Variants in LMTK2 observed in about 807,000 individuals in gnomAD.
LMTK2 encodes the protein lemur tail kinase 2.
In LMTK2, 37 loss-of-function variants were observed where a neutral mutation model predicts 127.5. The observed-to-expected ratio is 0.29, with a 90% confidence interval of 0.22 to 0.38. LMTK2 has a LOEUF of 0.38. Among genes scored for constraint, LMTK2 ranks in the 10% least tolerant of loss-of-function variants. The pLI is 1.00. For missense variants in LMTK2, 1,694 were observed against 1,920.3 expected, an observed-to-expected ratio of 0.88 and a Z score of 2.20; for synonymous variants, 819 against 810.1, an observed-to-expected ratio of 1.01 and a Z score of -0.19.
Position 98,137,450 on chromosome 7 carries a change from CAG to C in LMTK2, c.231+11_231+12del. 1 of 1,609,978 alleles carries C rather than the reference CAG, an allele frequency of 6.2e-7. No homozygotes were observed. Among genetic ancestry groups the C allele is most frequent in the Non-Finnish European group, 8.5e-7 (1 of 1,178,528 alleles). Reference sequence around the variant, plus strand: ...CCAGAAATAGACTTTAAGGTGAGCACAGAGGGTAGGAACATTTAAAATGGTCT... The same window carrying C: ...CCAGAAATAGACTTTAAGGTGAGCACAGGGTAGGAACATTTAAAATGGTCT... On this transcript the variant is annotated intron_variant, in intron 2 of 13. Coordinates refer to ENST00000297293, the MANE Select transcript of LMTK2 (RefSeq NM_014916.4).
At chr7:98,199,234 A>G (rs1322944480) in intron 11 of LMTK2, among the ~76,000 whole-genome samples, 1 of 152,038 alleles carries the variant, frequency 6.6e-6, no homozygotes. Context: ...TAATTTGTTG[A>G]TGGTATTAGT....
At chr7:98,190,692 A>T (rs774196136) in intron 9 of LMTK2, 36 bp from the exon 10 acceptor site, 1 of 1,611,344 alleles carries the variant, frequency 6.2e-7, no homozygotes, top group Non-Finnish European at 8.5e-7. Flanking sequence ...TGACATCTAA[A>T]GGGAGAGAGA....
chr7:98,159,781 C>G (rs1354708098), intron 6 of LMTK2, among the ~76,000 whole-genome samples: 2 of 152,166 alleles, frequency 1.3e-5, no homozygotes, highest in Non-Finnish European at 2.9e-5. Flanking sequence ...ATGTGCCCTC[C>G]TAAGAGCGTG....
chr7:98,122,870 C>T (rs1467545248), intron 1 of LMTK2, among the ~76,000 whole-genome samples: 1 of 151,990 alleles, frequency 6.6e-6, no homozygotes, highest in Admixed American at 6.6e-5. Flanking sequence ...GGTAGTATGC[C>T]TCCCTGTTGC....
At chr7:98,182,336 A>G (rs936285310) in intron 7 of LMTK2, among the ~76,000 whole-genome samples, 1 of 152,226 alleles carries the variant, frequency 6.6e-6, no homozygotes, top group Non-Finnish European at 1.5e-5. Context: ...TTTGCAAATT[A>G]TATATCTGAA....
chr7:98,161,385 A>C (rs1797014370), intron 6 of LMTK2, among the ~76,000 whole-genome samples: 1 of 152,100 alleles, frequency 6.6e-6, no homozygotes, highest in South Asian at 2.1e-4. Flanking sequence ...AATTAAACCT[A>C]CTTTTCTGGG....
intron 11 of LMTK2, among the ~76,000 whole-genome samples, chr7:98,202,849 C>G (rs1051392576): frequency 6.6e-6 from 1 of 152,218 alleles, no homozygotes; most frequent in Non-Finnish European, 1.5e-5. Context: ...CTGATACTTG[C>G]AGTTCTTTGG....
rs576859551 is a variant in LMTK2, at chr7:98,113,755, A to C, written c.103+6475A>C. Among the ~76,000 whole-genome samples the C allele has an allele frequency of 3.9e-5, 6 of 152,294 alleles. No homozygotes were observed. The East Asian group carries it at 1.2e-3, about 29-fold the overall frequency. ...AGCTTTTCTTTGAATCTTCTTATGA[A>C]GATACTGTTGCAGAAAACTGGGGAA... On this transcript the variant is annotated intron_variant, in intron 1 of 13. Transcript: ENST00000297293.
At chr7:98,200,919 G>T (rs969745524) in intron 11 of LMTK2, among the ~76,000 whole-genome samples, 5 of 152,166 alleles carry the variant, frequency 3.3e-5, no homozygotes, top group African/African-American at 1.2e-4. Flanking sequence ...GGAACTCTCT[G>T]ATCTGGAGGG....
At position 98,179,442 on chromosome 7, in the gene LMTK2, C is replaced by T. The variant is rs1342564893; in HGVS notation, c.792-5609C>T. Among the ~76,000 whole-genome samples the T allele has an allele frequency of 6.6e-5, 10 of 152,162 alleles. No individual in the cohort carries two copies. In the East Asian group the frequency reaches 7.7e-4, roughly 12 times the overall value. On this transcript the variant is annotated intron_variant, in intron 7 of 13. Coordinates refer to ENST00000297293, the MANE Select transcript of LMTK2 (RefSeq NM_014916.4). Reference sequence around the variant, plus strand: ...TCTGTTTATAGACCCTAGAGGTGGTCGTTGGTGGTGCCCAGTGACGGAGCC... The same window carrying T: ...TCTGTTTATAGACCCTAGAGGTGGTTGTTGGTGGTGCCCAGTGACGGAGCC...
Position 98,126,408 on chromosome 7 carries a change from G to A in LMTK2, c.104-10907G>A, listed in dbSNP as rs193229217. ...CTCCTTCTGGGACTAGATGCTTCCC[G>A]TTCCTGCATCGGCTTCCGGAGTGTG... On this transcript the variant is annotated intron_variant, in intron 1 of 13. Transcript: ENST00000297293. Among the ~76,000 whole-genome samples, 151 of 152,304 alleles carry A rather than the reference G, an allele frequency of 9.9e-4. 1 individual carries two copies. The highest frequency in any genetic ancestry group is 3.4e-3 in the African/African-American group (143 of 41,558).
At chr7:98,118,456 A>G (rs942868625) in intron 1 of LMTK2, among the ~76,000 whole-genome samples, 4 of 152,164 alleles carry the variant, frequency 2.6e-5, no homozygotes, top group Admixed American at 6.5e-5. Context: ...TGAAATTTCT[A>G]CTGGCGAGTC....
intron 2 of LMTK2, among the ~76,000 whole-genome samples, chr7:98,138,445 G>A (rs572093265): frequency 1.1e-4 from 17 of 152,292 alleles, no homozygotes; most frequent in South Asian, 4.1e-4. Flanking sequence ...AGCACTGGCC[G>A]TATACACACA....
chr7:98,158,665 G>A (rs1016011946), intron 5 of LMTK2, among the ~76,000 whole-genome samples: 40 of 152,044 alleles, frequency 2.6e-4, no homozygotes, highest in African/African-American at 9.7e-4. Context: ...CATTTACATC[G>A]TATTAGGTAT....
chr7:98,127,730 A>T (rs570118439), intron 1 of LMTK2, among the ~76,000 whole-genome samples: 1 of 152,320 alleles, frequency 6.6e-6, no homozygotes, highest in Non-Finnish European at 1.5e-5. Flanking sequence ...CAAAGAAATG[A>T]TCGATGCCTG....
At position 98,107,243 on chromosome 7, in the gene LMTK2, C is replaced by T; in HGVS notation, c.66C>T (p.Gly22=). Residue 22 remains glycine (G), a synonymous_variant, in exon 1 of 14, where the codon GGC becomes GGT. Transcript: ENST00000297293. ...LLLLLVLLIA[G]SAGAAPLPQT... ...TGCTGCTGGTCCTCCTGATCGCCGG[C>T]AGTGCTGGGGCCGCGCCACTTCCGC... is the stretch of plus-strand genomic sequence containing the variant. 6.9e-7 allele frequency: 1 copy of T among 1,457,938 alleles called. No individual in the cohort carries two copies. Among genetic ancestry groups the T allele is most frequent in the East Asian group, 3.0e-5 (1 of 33,636 alleles). 90.3% of individuals were successfully genotyped at this position (1,457,938 alleles called of 1,614,324 possible).
Position 98,193,971 on chromosome 7 carries a change from A to G in LMTK2, c.3506A>G (p.His1169Arg), listed in dbSNP as rs774435216. The change falls in exon 11 of 14, where the codon CAC (histidine) becomes CGC (arginine). Residue 1169 changes from histidine (H) to arginine (R), a missense_variant. Physicochemically the swap from His to Arg is conservative, Grantham distance 29. Around this residue, in one of 8 missense-constraint regions of LMTK2, gnomAD observed 554 missense variants for 567.7 expected, o/e 0.98. Coordinates refer to ENST00000297293, the MANE Select transcript of LMTK2 (RefSeq NM_014916.4). This position sits in a 1 kb window ranked among gnomAD's most constrained non-coding sequence, Gnocchi z 4.1. ...GATGAAAGTTGTCTGTCTGCTTTGC[A>G]CAACTCCAGTGACCTGGAATTAAGA... ...QPDESCLSAL[H>R]NSSDLELRAT... 31 of 1,613,962 alleles carry G rather than the reference A, an allele frequency of 1.9e-5. No homozygotes were observed. The Middle Eastern group carries it at 8.2e-4, about 43-fold the overall frequency.
intron 7 of LMTK2, among the ~76,000 whole-genome samples, chr7:98,182,349 G>A (rs1797367050): frequency 6.6e-6 from 1 of 152,112 alleles, no homozygotes; most frequent in Non-Finnish European, 1.5e-5. Context: ...TATCTGAAAA[G>A]GGTTATATAA....
At chr7:98,182,602 G>T (rs1318988583) in intron 7 of LMTK2, among the ~76,000 whole-genome samples, 1 of 152,130 alleles carries the variant, frequency 6.6e-6, no homozygotes, top group Non-Finnish European at 1.5e-5. Context: ...GTGAGGACGT[G>T]GAAAAATTGG....
Sources: allele counts gnomAD v4.1 joint callset (sites outside exome capture counted in the v4.1 genomes callset), GRCh38; gene constraint gnomAD v4.1.1; regional missense constraint gnomAD v4.1.1; non-coding constraint Gnocchi (gnomAD v3.1); transcripts MANE v1.5; gene names NCBI Gene and HGNC (gene_info 2026-07-23, HGNC 2026-07-21).